MIDN: variants seen among roughly 807,000 people sequenced by gnomAD.
MIDN encodes midbrain nucleolar protein.
Under a neutral mutation model 46.1 loss-of-function variants are expected in MIDN, and 26 were observed. The ratio of observed to expected loss-of-function variants is 0.56; its 90% CI spans 0.41 to 0.78. MIDN has a LOEUF of 0.78. Ranked by LOEUF, MIDN falls within the 30% of genes least tolerant of loss-of-function variation. The pLI is 0.00. For missense variants in MIDN, 850 were observed against 771.8 expected (o/e 1.10, Z -1.20); for synonymous variants, 432 against 343.3 (o/e 1.26, Z -2.86).
chr19:1,256,497 A>AC (rs1555750173), intron 8 of MIDN, among the ~76,000 whole-genome samples: 1,690 of 151,488 alleles, frequency 0.011, 42 homozygotes, highest in African/African-American at 0.039. Context: ...AAAAAAAAAA[A>AC]AACCAAGGTA....
rs1233461213 is a variant in MIDN, at chr19:1,250,002, G to A, written c.-295G>A. The stretch of plus-strand genomic sequence containing the variant: ...CAGCCGAGCGGCGCCCCCTCCCCAG[G>A]ACCCTTAACCGCGCCGCGTCCCGGT... On this transcript the variant is annotated 5_prime_UTR_variant, in exon 2 of 9. Coordinates refer to ENST00000682408, the MANE Select transcript of MIDN (RefSeq NM_001388306.1). 3.3e-5 allele frequency: 5 copies of A among 151,868 alleles called. No individual in the cohort carries two copies. The highest frequency in any genetic ancestry group is 9.6e-5 in the African/African-American group (4 of 41,452). 9.4% of individuals were successfully genotyped at this position (151,868 alleles called of 1,614,324 possible).
chr19:1,251,678 A>G (rs375372418), intron 3 of MIDN, 29 bp downstream of exon 3: 4 of 1,589,774 alleles, frequency 2.5e-6, no homozygotes, highest in Non-Finnish European at 3.4e-6. Context: ...GCGTGCCCCC[A>G]GAGGCCCCCG....
rs1328819744 is a variant in MIDN, at chr19:1,256,907, C to T, written c.1259-88C>T. The T allele has an allele frequency of 3.2e-6, 5 of 1,572,526 alleles. No homozygotes were observed. In the African/African-American group the frequency reaches 4.1e-5, roughly 13 times the overall value. ...CAGGGAGGGCAGGACTGTGTCTGAC[C>T]TCAGGGGCATTTGCTGGGGTCTGGG... On this transcript the variant is annotated intron_variant, in intron 8 of 8. Coordinates refer to ENST00000682408, the MANE Select transcript of MIDN (RefSeq NM_001388306.1).
In MIDN at chr19:1,257,182, C is replaced by T. The variant is rs201498147; in HGVS notation, c.1446C>T (p.Ser482=). ...GCAGCGGGGGCGGCGGCAGCCCCAG[C>T]GAGGCCTCCGGCTTGGGCCTCGACT... ...SSSSGGGGSP[S]EASGLGLDFE... is the part of the protein sequence containing the mutation. The change falls in exon 9 of 9, where the codon AGC becomes AGT. Residue 482 remains serine (S), a synonymous_variant. Coordinates refer to ENST00000682408, the MANE Select transcript of MIDN (RefSeq NM_001388306.1). 2.4e-4 allele frequency: 389 copies of T among 1,611,700 alleles called. 1 individual carries two copies. Among genetic ancestry groups the T allele is most frequent in the Middle Eastern group, 6.6e-4 (4 of 6,066 alleles).
At chr19:1,254,823 T>G in intron 6 of MIDN, 79 bp from the exon 7 acceptor site, 1 of 1,481,910 alleles carries the variant, frequency 6.7e-7, no homozygotes, top group Admixed American at 2.0e-5. Context: ...CCTGGGCTGG[T>G]GGGTGATCTC....
rs1404610165 is a variant in MIDN, at chr19:1,257,445, C to T, written c.*173C>T. 4 of 591,486 alleles carry T rather than the reference C, an allele frequency of 6.8e-6. No homozygotes were observed. In the East Asian group the frequency reaches 9.1e-5, roughly 14 times the overall value. The allele number at this position is 591,486 out of a possible 1,614,324, so 36.6% of individuals were successfully genotyped here. On this transcript the variant is annotated 3_prime_UTR_variant, in exon 9 of 9. Transcript: ENST00000682408. ...TATTTTTTTCTTTTTTTAAAAAGTTCTGACCGTGGTTTCCTGGACTCTTCA... is the reference window on the plus strand; with the variant it reads ...TATTTTTTTCTTTTTTTAAAAAGTTTTGACCGTGGTTTCCTGGACTCTTCA...
In MIDN at chr19:1,257,365, G is replaced by C; in HGVS notation, c.*93G>C. Reference sequence around the variant, plus strand: ...GGAGAGAACGTGGCCCAGCCCTGGAGGGCAGGCGGCCACTCCCCCAGCCAG... The same window carrying C: ...GGAGAGAACGTGGCCCAGCCCTGGACGGCAGGCGGCCACTCCCCCAGCCAG... On this transcript the variant is annotated 3_prime_UTR_variant, in exon 9 of 9. Coordinates refer to ENST00000682408, the MANE Select transcript of MIDN (RefSeq NM_001388306.1). 2 of 1,024,194 alleles carry C rather than the reference G, an allele frequency of 2.0e-6. No homozygotes were observed. Among genetic ancestry groups the C allele is most frequent in the Non-Finnish European group, 2.9e-6 (2 of 681,046 alleles). 63.4% of individuals were successfully genotyped at this position (1,024,194 alleles called of 1,614,324 possible). A position where few individuals can be genotyped will look rare whatever the true frequency, so the allele number is the denominator to read the frequency against.
At chr19:1,250,908 C>T (rs979012249) in intron 2 of MIDN, among the ~76,000 whole-genome samples, 27 of 151,688 alleles carry the variant, frequency 1.8e-4, no homozygotes, top group Non-Finnish European at 3.5e-4. Flanking sequence ...CCCCCACTTG[C>T]GTCTCTCTCC....
chr19:1,250,864 C>G (rs923875931), intron 2 of MIDN, among the ~76,000 whole-genome samples: 4 of 152,080 alleles, frequency 2.6e-5, no homozygotes, highest in Admixed American at 2.6e-4. Context: ...GCTTCCGCAT[C>G]TGCTCGGCGG....
Position 1,258,792 on chromosome 19 carries a change from CAAAAAAAAAAGA to C in MIDN, c.*1529_*1540del, listed in dbSNP as rs1285312311. The C allele has an allele frequency of 1.6e-5, 2 of 121,584 alleles. No individual in the cohort carries two copies. The highest frequency in any genetic ancestry group is 6.2e-5 in the African/African-American group (2 of 32,374). 7.5% of individuals were successfully genotyped at this position (121,584 alleles called of 1,614,324 possible). A position where few individuals can be genotyped will look rare whatever the true frequency, so the allele number is the denominator to read the frequency against. ...GGGTTTTGTTTTGTTTTCATTTTTC[CAAAAAAAAAAGA>C]AAAAAAAATAGAAAAAAAAGGAGTA... On this transcript the variant is annotated 3_prime_UTR_variant, in exon 9 of 9. Transcript: ENST00000682408.
At chr19:1,253,421 A>C (rs934894622) in intron 4 of MIDN, among the ~76,000 whole-genome samples, 125 of 144,560 alleles carry the variant, frequency 8.6e-4, no homozygotes, top group Middle Eastern at 3.8e-3. Context: ...AACCTCCGCC[A>C]CCCCCCCCCC....
Position 1,251,737 on chromosome 19 carries a change from C to G in MIDN, c.321+88C>G. ...CGGTACCTGTCCGCACACACACTAC[C>G]TGGGGCCCCCACCCCGCCAGCCAGC... is the stretch of plus-strand genomic sequence containing the variant. On this transcript the variant is annotated intron_variant, in intron 3 of 8. Coordinates refer to ENST00000682408, the MANE Select transcript of MIDN (RefSeq NM_001388306.1). The G allele has an allele frequency of 2.6e-6, 4 of 1,521,736 alleles. No individual in the cohort carries two copies. The South Asian group carries it at 3.5e-5, about 13-fold the overall frequency. 94.3% of individuals were successfully genotyped at this position (1,521,736 alleles called of 1,614,324 possible).
intron 3 of MIDN, 40 bp from the exon 4 acceptor site, chr19:1,251,799 C>T: frequency 1.3e-6 from 2 of 1,599,202 alleles, no homozygotes; most frequent in South Asian, 1.1e-5. Context: ...CCCAGGATTC[C>T]GACCCCACAC....
intron 1 of MIDN, among the ~76,000 whole-genome samples, chr19:1,248,985 G>A (rs1163463166): frequency 2.0e-5 from 3 of 151,900 alleles, no homozygotes; most frequent in Non-Finnish European, 4.4e-5. Context: ...TTCCTCCCCC[G>A]CGCGCAGCCC....
At position 1,250,469 on chromosome 19, in the gene MIDN, A is replaced by G. The variant is rs2081111241; in HGVS notation, c.173A>G (p.Lys58Arg). The G allele has an allele frequency of 5.8e-6, 8 of 1,383,880 alleles. No individual in the cohort carries two copies. Among genetic ancestry groups the G allele is most frequent in the Non-Finnish European group, 7.6e-6 (8 of 1,045,776 alleles). The allele number at this position is 1,383,880 out of a possible 1,614,324, so 85.7% of individuals were successfully genotyped here. ...GACGAGACGGTGGAGGGGCTGCGCA[A>G]GCGGTTGTCCCAGCGCCTCAAAGTG... Reference protein sequence around the residue: ...PPDETVEGLRKRLSQRLKVPK... With the variant: ...PPDETVEGLRRRLSQRLKVPK... Residue 58 changes from lysine (K) to arginine (R), a missense_variant, in exon 2 of 9, where the codon AAG (lysine) becomes AGG (arginine). Physicochemically the swap from Lys to Arg is conservative, Grantham distance 26. Coordinates refer to ENST00000682408, the MANE Select transcript of MIDN (RefSeq NM_001388306.1).
rs2081135485 is a variant in MIDN, at chr19:1,251,987, C to G, written c.384+86C>G. The G allele has an allele frequency of 2.0e-5, 24 of 1,211,486 alleles. 1 individual carries two copies. The South Asian group carries it at 2.9e-4, about 15-fold the overall frequency. 75.0% of individuals were successfully genotyped at this position (1,211,486 alleles called of 1,614,324 possible). On this transcript the variant is annotated intron_variant, in intron 4 of 8. Coordinates refer to ENST00000682408, the MANE Select transcript of MIDN (RefSeq NM_001388306.1). ...CGACGGGGCCTGGGGGTTGTCTGTG[C>G]TCCCAGGAGGCTGGGGGAGGGGAGG...
rs755617506 is a variant in MIDN, at chr19:1,254,988, C to A, written c.912C>A (p.Arg304=). 4.3e-6 allele frequency: 7 copies of A among 1,613,230 alleles called. 1 individual carries two copies. Among genetic ancestry groups the A allele is most frequent in the Admixed American group, 1.7e-5 (1 of 60,016 alleles). ...TSTPGASPAP[R]SRKPGAVIES... ...CCCCAGGGGCCAGCCCTGCCCCCCG[C>A]TCCCGAAAACCCGGCGCCGTCATCG... The change falls in exon 7 of 9, where the codon CGC becomes CGA. Residue 304 remains arginine, a synonymous_variant. Transcript: ENST00000682408.
At position 1,255,565 on chromosome 19, in the gene MIDN, G is replaced by C; in HGVS notation, c.1129G>C (p.Ala377Pro). The stretch of plus-strand genomic sequence containing the variant: ...TTCGCTGGCCCAGCTCCGCTGCCAC[G>C]CCCAGTGCTCCCCGGCCTCACCGGC... ...PPSLAQLRCH[A>P]QCSPASPAPD... is the part of the protein sequence containing the mutation. The change falls in exon 8 of 9, where the codon GCC becomes CCC. Residue 377 changes from alanine to proline, a missense_variant. Ala to Pro is a conservative substitution (Grantham distance 27). Transcript: ENST00000682408. 6.2e-7 allele frequency: 1 copy of C among 1,611,790 alleles called. No individual in the cohort carries two copies. Among genetic ancestry groups the C allele is most frequent in the Non-Finnish European group, 8.5e-7 (1 of 1,179,604 alleles).
In MIDN at chr19:1,257,024, G is replaced by A. The variant is rs561185140; in HGVS notation, c.1288G>A (p.Ala430Thr). 6.2e-6 allele frequency: 10 copies of A among 1,611,550 alleles called. No homozygotes were observed. Among genetic ancestry groups the A allele is most frequent in the African/African-American group, 2.7e-5 (2 of 75,064 alleles). ...GDRLRQTENR[A>T]TRCKVERLQL... ...CCGGCTTCGGCAGACAGAAAACCGCGCCACGCGCTGCAAGGTGGAACGGCT... is the reference window on the plus strand; with the variant it reads ...CCGGCTTCGGCAGACAGAAAACCGCACCACGCGCTGCAAGGTGGAACGGCT... Residue 430 changes from alanine (A) to threonine (T), a missense_variant, in exon 9 of 9, where the codon GCC (alanine) becomes ACC (threonine). Coordinates refer to ENST00000682408, the MANE Select transcript of MIDN (RefSeq NM_001388306.1).
Sources: allele counts gnomAD v4.1 joint callset (sites outside exome capture counted in the v4.1 genomes callset), GRCh38; gene constraint gnomAD v4.1.1; transcripts MANE v1.5; gene names NCBI Gene and HGNC (gene_info 2026-07-23, HGNC 2026-07-21).